Variants in PTPRG observed in about 807,000 individuals in gnomAD.
The protein encoded by PTPRG is protein tyrosine phosphatase receptor type G.
In PTPRG, 102 loss-of-function variants were observed where a neutral mutation model predicts 165.3. The ratio of observed to expected loss-of-function variants is 0.62; its 90% CI spans 0.53 to 0.73. The LOEUF is 0.73. Among genes scored for constraint, PTPRG ranks in the 30% least tolerant of loss-of-function variants. The probability of loss-of-function intolerance (pLI) is 0.00; values close to 1 mark genes in which losing one functional copy is unlikely to be tolerated. For missense variants in PTPRG, 1,866 were observed against 1,861.4 expected (o/e 1.00, Z -0.05); for synonymous variants, 675 against 669.5 (o/e 1.01, Z -0.13).
rs148352398 is a variant in PTPRG at position 61,887,123 on chromosome 3, C to CATATATATATATAT, written c.191-102467_191-102454dup. ...ATTTTTAAAGTATAACCATAGCATG[C>CATATATATATATAT]ATATATATATATATATATATATATA... is the stretch of plus-strand genomic sequence containing the variant. On this transcript the variant is annotated intron_variant, in intron 2 of 29. Transcript: ENST00000474889. 2.7e-3 allele frequency among the ~76,000 whole-genome samples: 228 copies of CATATATATATATAT among 85,874 alleles called. 17 individuals are homozygous for CATATATATATATAT. The highest frequency in any genetic ancestry group is 4.9e-3 in the South Asian group (12 of 2,440). 56.3% of individuals were successfully genotyped at this position (85,874 alleles called of 152,430 possible).
At chr3:61,662,621 A>T (rs1329182240) in intron 1 of PTPRG, among the ~76,000 whole-genome samples, 1 of 152,238 alleles carries the variant, frequency 6.6e-6, no homozygotes, top group South Asian at 2.1e-4. Context: ...CTAATGCACA[A>T]TAATGGTGGG....
chr3:62,171,960 T>C (rs1306798133), intron 8 of PTPRG, among the ~76,000 whole-genome samples: 1 of 152,202 alleles, frequency 6.6e-6, no homozygotes, highest in Non-Finnish European at 1.5e-5. Flanking sequence ...ACGTACCTTT[T>C]GTCTCTATGA....
chr3:61,853,479 G>C (rs1250446201), intron 2 of PTPRG, among the ~76,000 whole-genome samples: 1 of 152,156 alleles, frequency 6.6e-6, no homozygotes, highest in African/African-American at 2.4e-5. Context: ...CCAACAGCTG[G>C]TACCATTTTG....
intron 2 of PTPRG, among the ~76,000 whole-genome samples, chr3:61,819,264 T>C (rs2035885514): frequency 1.3e-5 from 2 of 152,176 alleles, no homozygotes; most frequent in Admixed American, 1.3e-4. Context: ...CAATATAACT[T>C]CCATGAGCTG....
chr3:61,910,922 C>T (rs1027782376), intron 2 of PTPRG, among the ~76,000 whole-genome samples: 2 of 152,174 alleles, frequency 1.3e-5, no homozygotes, highest in African/African-American at 4.8e-5. Context: ...ATTCTTGACT[C>T]TGGTTGTCCC....
chr3:61,973,016 G>A (rs1356089548), intron 2 of PTPRG, among the ~76,000 whole-genome samples: 3 of 151,952 alleles, frequency 2.0e-5, no homozygotes, highest in Non-Finnish European at 4.4e-5. Context: ...AGGGAGTTAG[G>A]GAGAAAAATT....
chr3:61,809,560 T>C (rs1356497850), intron 2 of PTPRG, among the ~76,000 whole-genome samples: 1 of 152,146 alleles, frequency 6.6e-6, no homozygotes, highest in Non-Finnish European at 1.5e-5. Flanking sequence ...TGAGTTCTGA[T>C]CCTGTTAATT....
At chr3:62,074,352 C>CTTTTTTTTTTTT (rs200189646) in intron 4 of PTPRG, among the ~76,000 whole-genome samples, 17 of 109,108 alleles carry the variant, frequency 1.6e-4, no homozygotes, top group African/African-American at 4.2e-4. Context: ...TCTTTTCTTT[C>CTTTTTTTTTTTT]TTTTTTTTTT....
intron 2 of PTPRG, among the ~76,000 whole-genome samples, chr3:61,775,703 T>A (rs1341820005): frequency 6.6e-6 from 1 of 151,928 alleles, no homozygotes; most frequent in Non-Finnish European, 1.5e-5. Flanking sequence ...ATAGACTGGA[T>A]TAAGAAAATG....
At chr3:61,908,695 T>A (rs549259630) in intron 2 of PTPRG, among the ~76,000 whole-genome samples, 14 of 152,292 alleles carry the variant, frequency 9.2e-5, no homozygotes, top group African/African-American at 3.1e-4. Context: ...TTTATGTGCT[T>A]AAGGAGACAT....
intron 1 of PTPRG, among the ~76,000 whole-genome samples, chr3:61,678,377 A>G (rs533422857): frequency 1.3e-4 from 20 of 152,216 alleles, no homozygotes; most frequent in Non-Finnish European, 2.8e-4. Flanking sequence ...TGTCTGGCGT[A>G]GTTGTCTAGT....
intron 3 of PTPRG, among the ~76,000 whole-genome samples, chr3:62,000,120 T>A (rs2041135031): frequency 6.6e-6 from 1 of 151,962 alleles, no homozygotes; most frequent in African/African-American, 2.4e-5. Flanking sequence ...CTGGCTAACA[T>A]GGTGAAACCC....
chr3:62,275,673 G>T (rs969901715), intron 23 of PTPRG, among the ~76,000 whole-genome samples, 200 bp from the exon 24 acceptor site: 1 of 152,098 alleles, frequency 6.6e-6, no homozygotes, highest in East Asian at 1.9e-4. Context: ...GAGGTGGGAG[G>T]ATCACAGTTA....
intron 4 of PTPRG, among the ~76,000 whole-genome samples, chr3:62,064,853 C>A (rs2033666789): frequency 6.6e-6 from 1 of 151,108 alleles, no homozygotes; most frequent in African/African-American, 2.4e-5. Flanking sequence ...CTGCCTCGGC[C>A]TCCCGAGTAG....
chr3:61,570,745 G>C lies in PTPRG; in HGVS notation c.85+8373G>C, dbSNP rs1700035876. On this transcript the variant is annotated intron_variant, in intron 1 of 29. Transcript: ENST00000474889. ...TGAGGAAATATTACTGACTTTTTAA[G>C]GTTGTCTCGAGAACTTTTTAAGAAT... 3.3e-5 allele frequency among the ~76,000 whole-genome samples: 5 copies of C among 152,158 alleles called. No individual in the cohort carries two copies. The South Asian group carries it at 1.0e-3, about 32-fold the overall frequency.
intron 1 of PTPRG, among the ~76,000 whole-genome samples, chr3:61,614,348 T>C (rs1246539207): frequency 6.6e-6 from 1 of 151,376 alleles, no homozygotes; most frequent in African/African-American, 2.4e-5. Flanking sequence ...AGTGAGTTAC[T>C]AAAACCTTTC....
intron 1 of PTPRG, among the ~76,000 whole-genome samples, chr3:61,619,759 G>C (rs1701397984): frequency 6.6e-6 from 1 of 152,196 alleles, no homozygotes; most frequent in African/African-American, 2.4e-5. Context: ...GGCATAGCAG[G>C]TAACTGGTAT....
chr3:62,048,099 C>T (rs1700354597), intron 4 of PTPRG, among the ~76,000 whole-genome samples: 1 of 151,606 alleles, frequency 6.6e-6, no homozygotes, highest in Non-Finnish European at 1.5e-5. Context: ...CTGAGTGTTT[C>T]GTATTTAATA....
intron 1 of PTPRG, among the ~76,000 whole-genome samples, chr3:61,602,206 G>T (rs1575530299): frequency 6.6e-6 from 1 of 151,766 alleles, no homozygotes; most frequent in African/African-American, 2.4e-5. Flanking sequence ...TTGGCTGGCT[G>T]TCTTAGTCAA....
Sources: gnomAD v4.1 joint callset for allele counts (sites outside exome capture counted in the v4.1 genomes callset) on GRCh38, gnomAD v4.1.1 for gene constraint, MANE v1.5 for transcripts, NCBI Gene and HGNC (gene_info 2026-07-23, HGNC 2026-07-21) for gene names.